Variants in STARD13 observed in about 807,000 individuals in gnomAD.
The protein encoded by STARD13 is stAR-related lipid transfer protein 13.
Under a neutral mutation model 106.4 loss-of-function variants are expected in STARD13, and 62 were observed. That is an observed-to-expected ratio of 0.58 (90% CI 0.48 to 0.72). STARD13 has a LOEUF of 0.72. STARD13 is among the 30% of genes least tolerant of loss of function. The pLI, the probability that STARD13 is intolerant of heterozygous loss-of-function variation, is 0.00. For synonymous variants in STARD13, 565 were observed against 553.0 expected (o/e 1.02, Z -0.31); for missense variants, 1,387 against 1,424.0 (o/e 0.97, Z 0.42).
At chr13:33,574,468 G>C in the STARD13 span, among the ~76,000 whole-genome samples, 1 of 152,134 alleles carries the variant, frequency 6.6e-6, no homozygotes, top group African/African-American at 2.4e-5. Context: ...AATAGGTCAG[G>C]CTCATGCCTG....
chr13:33,482,747 T>C, the STARD13 span, among the ~76,000 whole-genome samples: 8 of 152,238 alleles, frequency 5.3e-5, no homozygotes, highest in African/African-American at 1.9e-4. Context: ...GCTTTATGTT[T>C]TTAACTGTTC....
intron 1 of STARD13, among the ~76,000 whole-genome samples, chr13:33,338,703 T>G (rs1188117942): frequency 3.3e-5 from 5 of 151,764 alleles, no homozygotes; most frequent in African/African-American, 1.2e-4. Flanking sequence ...GCTAACATGG[T>G]GAAACCCTGT....
chr13:33,321,210 A>C (rs75866383), intron 1 of STARD13, among the ~76,000 whole-genome samples: 2,567 of 152,268 alleles, frequency 0.017, 76 homozygotes, highest in African/African-American at 0.057. Context: ...TTAATGAATA[A>C]TAATAATAAA....
chr13:33,137,112 C>T (rs573722876), intron 4 of STARD13, among the ~76,000 whole-genome samples: 3 of 152,172 alleles, frequency 2.0e-5, no homozygotes, highest in African/African-American at 4.8e-5. Flanking sequence ...AAACATTAAG[C>T]CTTGTATTTT....
intron 2 of STARD13, 113 bp downstream of exon 2, chr13:33,167,438 C>A (rs1277259449): frequency 4.7e-6 from 5 of 1,061,156 alleles, no homozygotes; most frequent in African/African-American, 1.6e-5. Context: ...AAAAAGAAAG[C>A]GAAGCAAAAT....
At chr13:33,463,804 G>A in the STARD13 span, among the ~76,000 whole-genome samples, 8 of 151,780 alleles carry the variant, frequency 5.3e-5, no homozygotes, top group South Asian at 4.2e-4. Flanking sequence ...ACGAGGTCAC[G>A]AGTTCAAGAC....
the STARD13 span, among the ~76,000 whole-genome samples, chr13:33,472,511 A>G: frequency 6.6e-6 from 1 of 152,152 alleles, no homozygotes; most frequent in Non-Finnish European, 1.5e-5. Context: ...ACTAGGTTCC[A>G]GTAGTACCCT....
At chr13:33,642,852 A>G in the STARD13 span, among the ~76,000 whole-genome samples, 2 of 151,904 alleles carry the variant, frequency 1.3e-5, no homozygotes, top group African/African-American at 2.4e-5. Flanking sequence ...AAAAAAAAAA[A>G]AAAAAACCTC....
At chr13:33,284,768 A>G (rs1330943228) in intron 1 of STARD13, among the ~76,000 whole-genome samples, 2 of 151,928 alleles carry the variant, frequency 1.3e-5, no homozygotes, top group African/African-American at 4.8e-5. Flanking sequence ...AGTAATGTCC[A>G]GACTTCCAGG....
At chr13:33,219,813 C>CAAAAAAAAAA (rs71196513) in intron 1 of STARD13, among the ~76,000 whole-genome samples, 4 of 116,682 alleles carry the variant, frequency 3.4e-5, no homozygotes, top group Non-Finnish European at 5.2e-5. Context: ...TAAAAACAAA[C>CAAAAAAAAAA]AAAAAAAAAA....
the STARD13 span, among the ~76,000 whole-genome samples, chr13:33,609,050 C>T: frequency 0.13 from 17,498 of 137,286 alleles, 1,692 homozygotes; most frequent in African/African-American, 0.28. Flanking sequence ...TGCGCCACTG[C>T]ACTCCAGCCT....
chr13:33,538,487 G>T, the STARD13 span, among the ~76,000 whole-genome samples: 1 of 152,262 alleles, frequency 6.6e-6, no homozygotes, highest in East Asian at 1.9e-4. Context: ...AAATAGACGA[G>T]ACCTAACAAA....
the STARD13 span, among the ~76,000 whole-genome samples, chr13:33,447,140 C>G: frequency 1.3e-5 from 2 of 152,126 alleles, no homozygotes; most frequent in Non-Finnish European, 2.9e-5. Flanking sequence ...TAGATTCATT[C>G]TAAAACAAGG....
chr13:33,113,430 A>G, intron 8 of STARD13: 1 of 452,970 alleles, frequency 2.2e-6, no homozygotes, highest in South Asian at 1.6e-5. Flanking sequence ...CACCCCTGCC[A>G]GCCAGGCCAT....
the STARD13 span, among the ~76,000 whole-genome samples, chr13:33,510,470 CTT>C: frequency 2.0e-5 from 3 of 152,064 alleles, no homozygotes; most frequent in Non-Finnish European, 2.9e-5. Flanking sequence ...AGTCCAAGTT[CTT>C]TAGGTGGGGC....
chr13:33,405,611 T>A, the STARD13 span, among the ~76,000 whole-genome samples: 1 of 152,250 alleles, frequency 6.6e-6, no homozygotes, highest in Non-Finnish European at 1.5e-5. Flanking sequence ...CTCAATGGAT[T>A]TAGAAAATTA....
the STARD13 span, among the ~76,000 whole-genome samples, chr13:33,552,211 T>A: frequency 6.6e-6 from 1 of 152,164 alleles, no homozygotes; most frequent in Non-Finnish European, 1.5e-5. Flanking sequence ...CCAATCTCGA[T>A]AATTGATGAA....
the STARD13 span, among the ~76,000 whole-genome samples, chr13:33,670,272 A>G: frequency 1.3e-5 from 2 of 152,322 alleles, no homozygotes; most frequent in East Asian, 3.9e-4. Flanking sequence ...CTTCAGTGGG[A>G]CATTTTGAAA....
At chr13:33,373,964 G>A in the STARD13 span, among the ~76,000 whole-genome samples, 1 of 151,904 alleles carries the variant, frequency 6.6e-6, no homozygotes, top group Non-Finnish European at 1.5e-5. Flanking sequence ...TTGAAATCAG[G>A]GATTCAAACA....
Sources: allele counts gnomAD v4.1 joint callset (sites outside exome capture counted in the v4.1 genomes callset), GRCh38; gene constraint gnomAD v4.1.1; transcripts MANE v1.5; gene names NCBI Gene and HGNC (gene_info 2026-07-23, HGNC 2026-07-21).